AMOT: variants seen among roughly 807,000 people sequenced by gnomAD.
AMOT encodes angiomotin.
In AMOT, 11 loss-of-function variants were observed where a neutral mutation model predicts 67.0. The ratio of observed to expected loss-of-function variants is 0.16; its 90% CI spans 0.10 to 0.27. AMOT has a LOEUF of 0.27. Among genes scored for constraint, AMOT ranks in the 10% least tolerant of loss-of-function variants. The pLI is 1.00. For missense variants in AMOT, 753 were observed against 852.0 expected (o/e 0.88, Z 1.45); for synonymous variants, 326 against 321.4 (o/e 1.01, Z -0.15).
intron 10 of AMOT, 120 bp downstream of exon 10, chrX:112,790,472 C>T: frequency 3.8e-6 from 3 of 799,619 alleles, no homozygotes; most frequent in South Asian, 6.0e-5. Context: ...AAAGAAAACA[C>T]ACTTAGGCAG....
intron 4 of AMOT, 131 bp downstream of exon 4, chrX:112,822,124 C>CCAATTCAGAGGCCAATT (rs1367073640): frequency 3.5e-6 from 3 of 854,386 alleles, no homozygotes; most frequent in Non-Finnish European, 4.6e-6. Context: ...ATTCACGAAG[C>CCAATTCAGAGGCCAATT]CAGAGGCCTG....
In AMOT at chrX:112,778,561, G is replaced by T. The variant is rs2147772868; in HGVS notation, c.*6C>A. 1.7e-6 allele frequency: 2 copies of T among 1,188,452 alleles called. No individual in the cohort carries two copies. Among genetic ancestry groups the T allele is most frequent in the East Asian group, 6.0e-5 (2 of 33,580 alleles). On this transcript the variant is annotated 3_prime_UTR_variant, in exon 14 of 14. Transcript: ENST00000371959. Reference sequence around the variant, plus strand: ...GCTGATAATCTGCAGCTCTTGATTTGGCCGTTTAGATGAGATATTCCACCA... The same window carrying T: ...GCTGATAATCTGCAGCTCTTGATTTTGCCGTTTAGATGAGATATTCCACCA...
At chrX:112,786,850 T>G (rs1933376823) in intron 10 of AMOT, among the ~76,000 whole-genome samples, 1 of 112,473 alleles carries the variant, frequency 8.9e-6, no homozygotes, top group African/African-American at 3.2e-5. Flanking sequence ...ACAAATATTT[T>G]AAGTATCAAA....
intron 5 of AMOT, among the ~76,000 whole-genome samples, chrX:112,812,442 A>T (rs1274103350): frequency 9.0e-6 from 1 of 111,576 alleles, no homozygotes; most frequent in Non-Finnish European, 1.9e-5. Flanking sequence ...ACACAAAATC[A>T]TAATCAGAGT....
chrX:112,780,993 A>T lies in AMOT; in HGVS notation c.2366T>A (p.Met789Lys). 1 of 1,212,078 alleles carries T rather than the reference A, an allele frequency of 8.3e-7. No individual in the cohort carries two copies. Among genetic ancestry groups the T allele is most frequent in the Non-Finnish European group, 1.1e-6 (1 of 895,581 alleles). ...LSCMRPAKSL[M>K]SISNAGSGLL... ...GCCTGATCCAGCATTGGAAATGGAC[A>T]TCAGAGACTTCGCTGGCCGCATGCA... Residue 789 changes from methionine (M) to lysine (K), a missense_variant, in exon 12 of 14, where the codon ATG (methionine) becomes AAG (lysine). Coordinates refer to ENST00000371959, the MANE Select transcript of AMOT (RefSeq NM_001113490.2).
intron 11 of AMOT, among the ~76,000 whole-genome samples, chrX:112,781,372 G>A (rs368221221): frequency 6.8e-4 from 72 of 105,917 alleles, no homozygotes; most frequent in South Asian, 2.2e-3. Flanking sequence ...CTTGGGAGGC[G>A]GAGGTTGCAG....
At chrX:112,794,312 T>C (rs1187617264) in intron 8 of AMOT, among the ~76,000 whole-genome samples, 2 of 111,576 alleles carry the variant, frequency 1.8e-5, no homozygotes, top group African/African-American at 6.5e-5. Context: ...GTTCTCCGAG[T>C]TGGCTAAAGA....
chrX:112,811,418 T>C (rs1934363929), intron 5 of AMOT, 25 bp from the exon 6 acceptor site: 1 of 1,191,356 alleles, frequency 8.4e-7, no homozygotes, highest in East Asian at 3.0e-5. Flanking sequence ...AAGACAATGG[T>C]GGTGATGGTA....
chrX:112,788,503 T>C (rs1010357281), intron 10 of AMOT, among the ~76,000 whole-genome samples: 1 of 111,465 alleles, frequency 9.0e-6, no homozygotes, highest in African/African-American at 3.3e-5. Context: ...ACCTCTCAAA[T>C]ATAGAATCTC....
chrX:112,832,211 C>T (rs1274158923), intron 2 of AMOT, 83 bp downstream of exon 2: 2 of 111,230 alleles, frequency 1.8e-5, no homozygotes, highest in East Asian at 2.8e-4. Context: ...ATGATAACTT[C>T]CCCAAAACTT....
intron 2 of AMOT, among the ~76,000 whole-genome samples, chrX:112,830,961 A>G (rs1934971175): frequency 9.0e-6 from 1 of 111,139 alleles, no homozygotes; most frequent in African/African-American, 3.3e-5. Context: ...CTTAAGGGAC[A>G]TTTTGCTGTA....
chrX:112,820,266 A>C (rs901989636), intron 4 of AMOT, among the ~76,000 whole-genome samples: 13 of 112,048 alleles, frequency 1.2e-4, no homozygotes, highest in Admixed American at 2.8e-4. Flanking sequence ...CAACAAGGGT[A>C]GATCATCATG....
rs1279830176 is a variant in AMOT at position 112,821,521 on chromosome X, TA to T, written c.872+733del. 9.8e-5 allele frequency among the ~76,000 whole-genome samples: 11 copies of T among 111,859 alleles called. No homozygotes were observed. In the East Asian group the frequency reaches 3.1e-3, roughly 31 times the overall value. ...AAGTATATATAGGAACAACTAAATA[TA>T]TAAGACAGAAATGGTAATATTTTTC... On this transcript the variant is annotated intron_variant, in intron 4 of 13. Coordinates refer to ENST00000371959, the MANE Select transcript of AMOT (RefSeq NM_001113490.2).
In AMOT at chrX:112,804,994, G is replaced by A. The variant is rs1299175722; in HGVS notation, c.1729C>T (p.Gln577Ter). 8.3e-7 allele frequency: 1 copy of A among 1,208,466 alleles called. No individual in the cohort carries two copies. Among genetic ancestry groups the A allele is most frequent in the Non-Finnish European group, 1.1e-6 (1 of 894,871 alleles). Reference protein sequence around the residue: ...DQRRHIEIRDQALSNAQAKVV... With the variant: ...DQRRHIEIRD ...TTGGCCTGGGCATTACTCAGGGCCT[G>A]ATCTCGGATTTCGATGTGTCGTCTT... The change falls in exon 8 of 14, where the codon CAG (glutamine) becomes TAG (stop). Residue 577 changes from glutamine to a stop codon, truncating the protein, a stop_gained. Transcript: ENST00000371959. LOFTEE classifies it high-confidence loss of function.
intron 8 of AMOT, 49 bp downstream of exon 8, chrX:112,804,898 T>TAA: frequency 1.2e-6 from 1 of 837,577 alleles, no homozygotes; most frequent in Non-Finnish European, 1.7e-6. Flanking sequence ...GTCCCCGATT[T>TAA]CCCAGCCCTC....
intron 8 of AMOT, among the ~76,000 whole-genome samples, chrX:112,797,368 C>T (rs112086428): frequency 4.2e-4 from 47 of 111,503 alleles, no homozygotes; most frequent in East Asian, 1.4e-3. Context: ...GTTGCTCTCC[C>T]GATCTATACA....
chrX:112,823,028 G>T lies in AMOT; in HGVS notation c.99C>A (p.Ser33Arg). 1 of 1,167,646 alleles carries T rather than the reference G, an allele frequency of 8.6e-7. No homozygotes were observed. Among genetic ancestry groups the T allele is most frequent in the Non-Finnish European group, 1.1e-6 (1 of 873,039 alleles). Residue 33 changes from serine (S) to arginine (R), a missense_variant, in exon 4 of 14, where the codon AGC (serine) becomes AGA (arginine). This residue lies in a region of AMOT where 118 missense variants were observed against 125.9 expected (regional missense o/e 0.94). Transcript: ENST00000371959. ...TGGCTTGCTGGTGTATGGCAAGCAG[G>T]CTGCGATTCTCACTAGGATTGCCAT... ...LRYGNPSENR[S>R]LLAIHQQATG...
chrX:112,808,211 A>G (rs1388223280), intron 7 of AMOT, among the ~76,000 whole-genome samples: 3 of 112,225 alleles, frequency 2.7e-5, no homozygotes, highest in African/African-American at 9.7e-5. Flanking sequence ...ACAACCATAC[A>G]AGGAAGGTAC....
chrX:112,783,891 G>T (rs1933281943), intron 10 of AMOT, among the ~76,000 whole-genome samples: 1 of 110,747 alleles, frequency 9.0e-6, no homozygotes, highest in Non-Finnish European at 1.9e-5. Context: ...TTTCTGTTGG[G>T]AGCTAACTAT....
Sources: allele counts gnomAD v4.1 joint callset (sites outside exome capture counted in the v4.1 genomes callset), GRCh38; gene constraint gnomAD v4.1.1; regional missense constraint gnomAD v4.1.1; transcripts MANE v1.5; gene names NCBI Gene and HGNC (gene_info 2026-07-23, HGNC 2026-07-21).